Variants in EDEM1 observed in about 807,000 individuals in gnomAD.
The protein encoded by EDEM1 is ER degradation-enhancing alpha-mannosidase-like protein 1.
In EDEM1, 67 loss-of-function variants were observed where a neutral mutation model predicts 74.4. The observed-to-expected ratio is 0.90, with a 90% CI of 0.74 to 1.10. The LOEUF is 1.10. EDEM1 is among the 50% of genes least tolerant of loss of function. The pLI is 0.00. For synonymous variants in EDEM1, 382 were observed against 335.9 expected, an observed-to-expected ratio of 1.14 and a Z score of -1.50; for missense variants, 926 against 851.6, an observed-to-expected ratio of 1.09 and a Z score of -1.09.
At chr3:5,205,361 A>C in intron 6 of EDEM1, 120 bp downstream of exon 6, 2 of 991,774 alleles carry the variant, frequency 2.0e-6, no homozygotes, top group South Asian at 1.7e-5. Context: ...TCACCTTACC[A>C]CCTCTCCTAG....
chr3:5,196,586 C>T (rs533227736), intron 2 of EDEM1, among the ~76,000 whole-genome samples: 5 of 152,270 alleles, frequency 3.3e-5, no homozygotes, highest in Non-Finnish European at 4.4e-5. Context: ...GATCATTCTA[C>T]GTCCTCATTT....
chr3:5,191,090 A>T (rs1269679057), intron 1 of EDEM1, among the ~76,000 whole-genome samples: 2 of 152,214 alleles, frequency 1.3e-5, no homozygotes, highest in Non-Finnish European at 2.9e-5. Context: ...TATTGACTGT[A>T]GTCCTCCTGT....
In EDEM1 at chr3:5,216,142, T is replaced by C; in HGVS notation, c.*224T>C. ...AAGGATATAATTTGAAGTGAGAAGA[T>C]ACATGGAAATTGCCCTCTTATGACA... On this transcript the variant is annotated 3_prime_UTR_variant, in exon 12 of 12. Transcript: ENST00000256497. The C allele has an allele frequency of 5.7e-6, 3 of 527,308 alleles. No homozygotes were observed. The highest frequency in any genetic ancestry group is 2.8e-5 in the South Asian group (1 of 35,594). 32.7% of individuals were successfully genotyped at this position (527,308 alleles called of 1,614,324 possible). A position where few individuals can be genotyped will look rare whatever the true frequency, so the allele number is the denominator to read the frequency against.
Position 5,215,901 on chromosome 3 carries a change from A to C in EDEM1, c.1957A>C (p.Met653Leu), listed in dbSNP as rs1025063454. The change falls in exon 12 of 12, where the codon ATG becomes CTG. Residue 653 changes from methionine to leucine, a missense_variant. Coordinates refer to ENST00000256497, the MANE Select transcript of EDEM1 (RefSeq NM_014674.3). ...KSIYMRQIDQ[M>L]VGLI ...CATCTACATGCGACAGATTGACCAG[A>C]TGGTTGGTTTGATTTGATCTGCTCT... 1.2e-6 allele frequency: 2 copies of C among 1,612,708 alleles called. No homozygotes were observed. Among genetic ancestry groups the C allele is most frequent in the Non-Finnish European group, 1.7e-6 (2 of 1,179,544 alleles).
intron 6 of EDEM1, among the ~76,000 whole-genome samples, chr3:5,205,732 G>C (rs2055087808): frequency 6.6e-6 from 1 of 152,232 alleles, no homozygotes; most frequent in Non-Finnish European, 1.5e-5. Flanking sequence ...CAGAGTGAGT[G>C]ATCTGAGAGA....
chr3:5,199,562 C>G (rs745715030), intron 2 of EDEM1, 30 bp from the exon 3 acceptor site: 1 of 1,518,930 alleles, frequency 6.6e-7, no homozygotes, highest in Admixed American at 1.7e-5. Context: ...TTTCAAGTTG[C>G]TGTAATGACC....
In EDEM1 at chr3:5,205,876, G is replaced by A. The variant is rs543319523; in HGVS notation, c.1217+635G>A. Among the ~76,000 whole-genome samples, 69 of 152,090 alleles carry A rather than the reference G, an allele frequency of 4.5e-4. No homozygotes were observed. In the South Asian group the frequency reaches 0.013, roughly 29 times the overall value. On this transcript the variant is annotated intron_variant, in intron 6 of 11. Transcript: ENST00000256497. ...CAGTGTGGGAGGGGGCTGTGCAAGC[G>A]TGTGGCTCGCACGGATGGAGGTTCT...
chr3:5,190,374 C>T (rs544134545), intron 1 of EDEM1, among the ~76,000 whole-genome samples: 2 of 152,220 alleles, frequency 1.3e-5, no homozygotes, highest in African/African-American at 4.8e-5. Context: ...ATTGTGATAA[C>T]ACTTTCATTT....
intron 1 of EDEM1, among the ~76,000 whole-genome samples, chr3:5,190,746 TG>T (rs1489990228): frequency 6.6e-6 from 1 of 152,218 alleles, no homozygotes; most frequent in Non-Finnish European, 1.5e-5. Flanking sequence ...AAACCTTTGT[TG>T]TCTTTGAGGA....
chr3:5,195,113 A>T, intron 1 of EDEM1, 96 bp from the exon 2 acceptor site: 1 of 598,300 alleles, frequency 1.7e-6, no homozygotes, highest in Non-Finnish European at 2.7e-6. Flanking sequence ...AATAAATAAG[A>T]GTTGCTGGCA....
intron 7 of EDEM1, 139 bp downstream of exon 7, chr3:5,207,412 C>T: frequency 8.0e-7 from 1 of 1,243,780 alleles, no homozygotes; most frequent in Non-Finnish European, 1.1e-6. Context: ...GTCTTCATCT[C>T]TCTGTTTGAG....
intron 6 of EDEM1, among the ~76,000 whole-genome samples, chr3:5,205,893 G>A (rs576818346): frequency 6.6e-6 from 1 of 152,274 alleles, no homozygotes; most frequent in East Asian, 1.9e-4. Flanking sequence ...TCGCACGGAT[G>A]GAGGTTCTCG....
At position 5,211,179 on chromosome 3, in the gene EDEM1, G is replaced by C. The variant is rs754743228; in HGVS notation, c.1643G>C (p.Ser548Thr). 1 of 1,614,186 alleles carries C rather than the reference G, an allele frequency of 6.2e-7. No individual in the cohort carries two copies. Among genetic ancestry groups the C allele is most frequent in the East Asian group, 2.2e-5 (1 of 44,882 alleles). The change falls in exon 10 of 12, where the codon AGC (serine) becomes ACC (threonine). Residue 548 changes from serine (S) to threonine (T), a missense_variant. Ser to Thr is a moderately conservative substitution (Grantham distance 58). Transcript: ENST00000256497. The part of the protein sequence containing the change: ...IDKSTEDRME[S>T]FFLSETCKYL... Reference sequence around the variant, plus strand: ...AAGTCCACAGAAGACCGGATGGAGAGCTTCTTTCTCAGTGAGACCTGTAAA... The same window carrying C: ...AAGTCCACAGAAGACCGGATGGAGACCTTCTTTCTCAGTGAGACCTGTAAA...
Position 5,205,164 on chromosome 3 carries a change from C to T in EDEM1, c.1140C>T (p.Tyr380=), listed in dbSNP as rs138393252. The T allele has an allele frequency of 1.7e-5, 27 of 1,614,126 alleles. No homozygotes were observed. The African/African-American group carries it at 2.5e-4, about 15-fold the overall frequency. The change falls in exon 6 of 12, where the codon TAC becomes TAT. Residue 380 remains tyrosine, a synonymous_variant. Transcript: ENST00000256497. ...TCTATGAATACCTCTTGAAATCTTA[C>T]ATTCTCTTTGGAGAAAAAGAAGACC... ...DSFYEYLLKS[Y]ILFGEKEDLE... is the part of the protein sequence containing the mutation.
chr3:5,206,204 A>G (rs2055094777), intron 6 of EDEM1, among the ~76,000 whole-genome samples: 1 of 147,568 alleles, frequency 6.8e-6, no homozygotes, highest in Non-Finnish European at 1.5e-5. Flanking sequence ...TCTTTCCCAG[A>G]TCTTTCTTTT....
At chr3:5,204,086 T>C (rs2106599189) in intron 5 of EDEM1, among the ~76,000 whole-genome samples, 1 of 152,314 alleles carries the variant, frequency 6.6e-6, no homozygotes, top group South Asian at 2.1e-4. Context: ...TATGTATACA[T>C]TTGTTGTATT....
chr3:5,214,483 C>A (rs1353975005), intron 11 of EDEM1, among the ~76,000 whole-genome samples: 1 of 152,092 alleles, frequency 6.6e-6, no homozygotes, highest in African/African-American at 2.4e-5. Context: ...AGTCATGGAG[C>A]GCTGATTGAG....
chr3:5,191,873 A>G (rs967964587), intron 1 of EDEM1, among the ~76,000 whole-genome samples: 1 of 152,164 alleles, frequency 6.6e-6, no homozygotes, highest in Non-Finnish European at 1.5e-5. Flanking sequence ...GTAAATGTGG[A>G]TATTATATTT....
chr3:5,209,207 G>A (rs1374609032), intron 8 of EDEM1, among the ~76,000 whole-genome samples: 1 of 152,184 alleles, frequency 6.6e-6, no homozygotes, highest in African/African-American at 2.4e-5. Context: ...TGTGAAACTG[G>A]TAGTAGTCCT....
Sources: gnomAD v4.1 joint callset for allele counts (sites outside exome capture counted in the v4.1 genomes callset) on GRCh38, gnomAD v4.1.1 for gene constraint, MANE v1.5 for transcripts, NCBI Gene and HGNC (gene_info 2026-07-23, HGNC 2026-07-21) for gene names.